DOCK11: variants seen among roughly 807,000 people sequenced by gnomAD.
DOCK11 encodes dedicator of cytokinesis 11, also known as dedicator of cytokinesis protein 11.
Under a neutral mutation model 169.1 loss-of-function variants are expected in DOCK11, and 70 were observed. The observed-to-expected ratio is 0.41, with a 90% CI of 0.34 to 0.51. The LOEUF (loss-of-function observed/expected upper bound fraction) is 0.51, where lower values mean the gene tolerates loss of function less well. DOCK11 is among the 20% of genes least tolerant of loss of function. DOCK11 has a pLI of 0.10. For missense variants in DOCK11, 1,166 were observed against 1,538.8 expected, an observed-to-expected ratio of 0.76 and a Z score of 4.05; for synonymous variants, 529 against 541.3, an observed-to-expected ratio of 0.98 and a Z score of 0.32.
intron 6 of DOCK11, among the ~76,000 whole-genome samples, chrX:118,552,362 A>G (rs1408079426): frequency 8.9e-6 from 1 of 112,003 alleles, no homozygotes; most frequent in Non-Finnish European, 1.9e-5. Flanking sequence ...CTTGCAGTGC[A>G]TTCAAGTCGA....
chrX:118,656,316 A>G (rs906267887), intron 44 of DOCK11, among the ~76,000 whole-genome samples: 1 of 111,334 alleles, frequency 9.0e-6, no homozygotes, highest in African/African-American at 3.3e-5. Context: ...TTTTTTAAAA[A>G]AGATTCTTCT....
chrX:118,619,561 TAAAG>T (rs1463552307), intron 31 of DOCK11, among the ~76,000 whole-genome samples: 6 of 107,748 alleles, frequency 5.6e-5, no homozygotes, highest in East Asian at 2.9e-4. Flanking sequence ...AACTCATACT[TAAAG>T]AATAACATAA....
intron 32 of DOCK11, 115 bp downstream of exon 32, chrX:118,624,770 T>TC: frequency 2.0e-6 from 1 of 493,512 alleles, no homozygotes; most frequent in Non-Finnish European, 3.4e-6. Context: ...TTTTTTTTTT[T>TC]TTTTTTGAGC....
At chrX:118,671,227 A>G in intron 46 of DOCK11, 82 bp downstream of exon 46, 1 of 906,301 alleles carries the variant, frequency 1.1e-6, no homozygotes. Flanking sequence ...TTCTGTCACT[A>G]TTATTCGACT....
intron 41 of DOCK11, among the ~76,000 whole-genome samples, chrX:118,651,623 C>T (rs570374414): frequency 3.6e-5 from 4 of 112,190 alleles, no homozygotes; most frequent in Middle Eastern, 9.2e-3. Flanking sequence ...ACCTTTGCCA[C>T]AGCTACAACC....
intron 6 of DOCK11, among the ~76,000 whole-genome samples, chrX:118,556,002 A>G (rs1234326473): frequency 9.2e-6 from 1 of 108,595 alleles, no homozygotes; most frequent in African/African-American, 3.3e-5. Context: ...CGCTCTTGGG[A>G]TTTGCTGTAT....
rs780757719 is a variant in DOCK11, at chrX:118,668,776, A to G, written c.5077-2247A>G. ...GTAGTGTCTTGCCTACCCTATATTG[A>G]TAAGGAGAAGGATCCTGGAAAAGGT... On this transcript the variant is annotated intron_variant, in intron 45 of 52. Transcript: ENST00000276202. Among the ~76,000 whole-genome samples the G allele has an allele frequency of 8.1e-5, 9 of 111,473 alleles. No individual in the cohort carries two copies. In the East Asian group the frequency reaches 2.5e-3, roughly 31 times the overall value.
chrX:118,627,568 A>G lies in DOCK11; in HGVS notation c.3653A>G (p.Asp1218Gly), dbSNP rs2015139824. ...GCCAATAGAGGGAGTCTGAGCACTG[A>G]CAAAGACACCGGTAATTAAACCTTT... ...SPANRGSLST[D>G]KDTAYGSFQN... The change falls in exon 33 of 53, where the codon GAC (aspartate) becomes GGC (glycine). Residue 1218 changes from aspartate (D) to glycine (G), a missense_variant. By Grantham distance (94) the Asp-to-Gly change is moderately conservative. Transcript: ENST00000276202. 8.3e-7 allele frequency: 1 copy of G among 1,204,705 alleles called. No individual in the cohort carries two copies. Among genetic ancestry groups the G allele is most frequent in the Non-Finnish European group, 1.1e-6 (1 of 890,704 alleles).
intron 9 of DOCK11, among the ~76,000 whole-genome samples, chrX:118,567,513 A>G (rs2013119490): frequency 9.3e-6 from 1 of 107,582 alleles, no homozygotes; most frequent in Non-Finnish European, 1.9e-5. Flanking sequence ...CCTCACTGCA[A>G]CCTCCGTTGC....
chrX:118,622,804 A>G (rs1389211467), intron 31 of DOCK11, among the ~76,000 whole-genome samples: 4 of 112,035 alleles, frequency 3.6e-5, no homozygotes, highest in African/African-American at 1.3e-4. Flanking sequence ...GTCAGCCACT[A>G]GCTATACTGC....
In DOCK11 at chrX:118,495,938, G is replaced by A. The variant is rs1603010732; in HGVS notation, c.-34G>A. 5 of 986,037 alleles carry A rather than the reference G, an allele frequency of 5.1e-6. No individual in the cohort carries two copies. Among genetic ancestry groups the A allele is most frequent in the Middle Eastern group, 4.0e-4 (1 of 2,494 alleles). 81.3% of individuals were successfully genotyped at this position (986,037 alleles called of 1,213,427 possible). On this transcript the variant is annotated 5_prime_UTR_variant, in exon 1 of 53. Coordinates refer to ENST00000276202, the MANE Select transcript of DOCK11 (RefSeq NM_144658.4). ...TGAGTCCACCCGCCCGCCGAGGTCC[G>A]CCCGCCCGCCGAGACCCGCCCGCCG...
rs780327229 is a variant in DOCK11, at chrX:118,578,543, A to G, written c.1408A>G (p.Asn470Asp). ...YIQQGIFSVT[N>D]PHPEIFLVAR... Reference sequence around the variant, plus strand: ...TTCCCAGGGAATTTTCTCAGTGACGAATCCACATCCTGAAATTTTTCTAGT... The same window carrying G: ...TTCCCAGGGAATTTTCTCAGTGACGGATCCACATCCTGAAATTTTTCTAGT... Residue 470 changes from asparagine (N) to aspartate (D), a missense_variant, in exon 13 of 53, where the codon AAT becomes GAT. Transcript: ENST00000276202. The G allele has an allele frequency of 2.5e-6, 3 of 1,209,559 alleles. No homozygotes were observed. The highest frequency in any genetic ancestry group is 3.4e-6 in the Non-Finnish European group (3 of 894,019).
Position 118,680,487 on chromosome X carries a change from T to C in DOCK11, c.5466T>C (p.Asn1822=), listed in dbSNP as rs748183817. The C allele has an allele frequency of 1.8e-6, 2 of 1,093,297 alleles. No homozygotes were observed. The highest frequency in any genetic ancestry group is 2.4e-6 in the Non-Finnish European group (2 of 829,581). The allele number at this position is 1,093,297 out of a possible 1,213,427, so 90.1% of individuals were successfully genotyped here. ...VKIIQDSDKV[N]AKELDPKYAH... ...AAAACTTTCTTATTTTATAGGTAAATGCCAAAGAGCTTGATCCAAAATATG... is the reference window on the plus strand; with the variant it reads ...AAAACTTTCTTATTTTATAGGTAAACGCCAAAGAGCTTGATCCAAAATATG... The change falls in exon 49 of 53, where the codon AAT becomes AAC. Residue 1822 remains asparagine, a synonymous_variant. Transcript: ENST00000276202.
intron 5 of DOCK11, 103 bp downstream of exon 5, chrX:118,545,495 T>C: frequency 3.1e-6 from 2 of 646,245 alleles, no homozygotes; most frequent in Non-Finnish European, 4.5e-6. Flanking sequence ...ATGAAGGAAA[T>C]AATTATTCTG....
intron 1 of DOCK11, among the ~76,000 whole-genome samples, chrX:118,540,651 C>A (rs1219966031): frequency 9.0e-6 from 1 of 110,572 alleles, no homozygotes; most frequent in African/African-American, 3.3e-5. Flanking sequence ...TTACTTTAAT[C>A]TTTCTAAATA....
intron 6 of DOCK11, among the ~76,000 whole-genome samples, chrX:118,556,743 C>T (rs1354202647): frequency 3.1e-5 from 3 of 96,381 alleles, no homozygotes; most frequent in African/African-American, 7.5e-5. Context: ...GGCAACAGAG[C>T]GTGGCTCTGT....
intron 31 of DOCK11, among the ~76,000 whole-genome samples, chrX:118,620,452 G>A (rs983210348): frequency 9.0e-6 from 1 of 111,611 alleles, no homozygotes; most frequent in African/African-American, 3.3e-5. Context: ...TAATTACAGT[G>A]ATTTTCATAC....
At chrX:118,630,233 GC>G (rs1340586382) in intron 34 of DOCK11, 145 bp from the exon 35 acceptor site, 11 of 415,591 alleles carry the variant, frequency 2.6e-5, no homozygotes, top group Non-Finnish European at 4.8e-5. Flanking sequence ...GAAAGATTCA[GC>G]CCATTCACCT....
chrX:118,658,690 A>G (rs922964584), intron 44 of DOCK11, among the ~76,000 whole-genome samples: 1 of 112,633 alleles, frequency 8.9e-6, no homozygotes, highest in Non-Finnish European at 1.9e-5. Context: ...TCAAAGTGAT[A>G]ATACTGAGTG....
Sources: allele counts gnomAD v4.1 joint callset (sites outside exome capture counted in the v4.1 genomes callset), GRCh38; gene constraint gnomAD v4.1.1; transcripts MANE v1.5; gene names NCBI Gene and HGNC (gene_info 2026-07-23, HGNC 2026-07-21).